The following CADPS2 variants were observed in gnomAD, a reference collection of about 807,000 sequenced individuals.
CADPS2 encodes calcium dependent secretion activator 2.
A neutral mutation model predicts 172.5 loss-of-function variants in CADPS2; 93 were observed. That is an observed-to-expected ratio of 0.54 (90% CI 0.46 to 0.64). The LOEUF (loss-of-function observed/expected upper bound fraction) is 0.64. CADPS2 is among the 30% of genes least tolerant of loss of function. The pLI is 0.00. For missense variants in CADPS2, 1,420 were observed against 1,565.9 expected (o/e 0.91, Z 1.57); for synonymous variants, 546 against 555.2 (o/e 0.98, Z 0.23).
intron 1 of CADPS2, among the ~76,000 whole-genome samples, chr7:122,847,342 C>T (rs1443154377): frequency 1.3e-5 from 2 of 152,192 alleles, no homozygotes; most frequent in Non-Finnish European, 2.9e-5. Flanking sequence ...CCTCCTCCGC[C>T]TCCCAGAGTG....
At chr7:122,772,931 G>A (rs1379895765) in intron 1 of CADPS2, among the ~76,000 whole-genome samples, 1 of 152,034 alleles carries the variant, frequency 6.6e-6, no homozygotes, top group Admixed American at 6.6e-5. Flanking sequence ...ATTTTAAATA[G>A]ACAAAATTTC....
chr7:122,443,261 C>A (rs1413330920), intron 15 of CADPS2, among the ~76,000 whole-genome samples: 1 of 152,160 alleles, frequency 6.6e-6, no homozygotes, highest in Non-Finnish European at 1.5e-5. Context: ...TTACGGAGTA[C>A]AAGTAATCCT....
At chr7:122,833,861 G>T (rs1332013302) in intron 1 of CADPS2, among the ~76,000 whole-genome samples, 1 of 152,140 alleles carries the variant, frequency 6.6e-6, no homozygotes, top group African/African-American at 2.4e-5. Context: ...GTTTTTTAAA[G>T]CACAGTTTAA....
chr7:122,527,789 T>G (rs545594622), intron 8 of CADPS2, among the ~76,000 whole-genome samples: 1 of 152,004 alleles, frequency 6.6e-6, no homozygotes, highest in East Asian at 1.9e-4. Flanking sequence ...TTGTGCAGAA[T>G]GAACAGAGAA....
At chr7:122,722,902 C>G (rs1236229699) in intron 2 of CADPS2, among the ~76,000 whole-genome samples, 1 of 151,866 alleles carries the variant, frequency 6.6e-6, no homozygotes, top group Non-Finnish European at 1.5e-5. Context: ...TGATCTTTGA[C>G]AAACCTGACA....
intron 28 of CADPS2, chr7:122,331,788 T>C (rs138609116): frequency 2.0e-5 from 3 of 152,376 alleles, no homozygotes; most frequent in East Asian, 3.8e-4. Flanking sequence ...GCAATTTACT[T>C]ATTCAAGTTT....
At chr7:122,815,353 A>G (rs1801053800) in intron 1 of CADPS2, among the ~76,000 whole-genome samples, 1 of 152,204 alleles carries the variant, frequency 6.6e-6, no homozygotes, top group Admixed American at 6.5e-5. Context: ...CTCAAGAGCT[A>G]TAAAGTTATT....
intron 7 of CADPS2, among the ~76,000 whole-genome samples, chr7:122,557,513 T>C (rs548700334): frequency 6.6e-6 from 1 of 152,240 alleles, no homozygotes; most frequent in South Asian, 2.1e-4. Context: ...CGTTACTGTA[T>C]ATTGGATTTA....
At chr7:122,799,314 G>T (rs187536267) in intron 1 of CADPS2, among the ~76,000 whole-genome samples, 175 of 152,266 alleles carry the variant, frequency 1.1e-3, no homozygotes, top group Non-Finnish European at 1.9e-3. Flanking sequence ...GTATAGCTAT[G>T]TAGGGCTGGG....
Position 122,345,918 on chromosome 7 carries a change from C to CTTTTTTTTT in CADPS2, c.3505-246_3505-238dup, listed in dbSNP as rs71159791. Among the ~76,000 whole-genome samples the CTTTTTTTTT allele has an allele frequency of 3.6e-5, 5 of 138,744 alleles. No individual in the cohort carries two copies. The East Asian group carries it at 6.6e-4, about 18-fold the overall frequency. The allele number at this position is 138,744 out of a possible 152,430, so 91.0% of individuals were successfully genotyped here. A position where few individuals can be genotyped will look rare whatever the true frequency, so the allele number is the denominator to read the frequency against. On this transcript the variant is annotated intron_variant, in intron 27 of 29. Transcript: ENST00000449022. Reference sequence around the variant, plus strand: ...TACAGAGTTGTAGATCCGTAGATATCTTTTTTTTTTTTTTGTTAAATGGCT... The same window carrying CTTTTTTTTT: ...TACAGAGTTGTAGATCCGTAGATATCTTTTTTTTTTTTTTTTTTTTTTTGTTAAATGGCT...
intron 25 of CADPS2, among the ~76,000 whole-genome samples, chr7:122,370,469 C>T (rs946178673): frequency 6.6e-5 from 10 of 152,140 alleles, no homozygotes; most frequent in Admixed American, 1.3e-4. Flanking sequence ...AGGTTAGAGA[C>T]AAGAACTGGA....
intron 6 of CADPS2, among the ~76,000 whole-genome samples, chr7:122,611,404 AC>A (rs1214888467): frequency 2.0e-5 from 3 of 152,094 alleles, no homozygotes; most frequent in African/African-American, 7.2e-5. Context: ...AAAAATAATT[AC>A]AAAAACTATG....
At chr7:122,626,901 C>G (rs2076141727) in intron 4 of CADPS2, among the ~76,000 whole-genome samples, 1 of 152,210 alleles carries the variant, frequency 6.6e-6, no homozygotes, top group African/African-American at 2.4e-5. Context: ...TTGTTCACTA[C>G]TTCCTAATTA....
At position 122,705,262 on chromosome 7, in the gene CADPS2, C is replaced by G. The variant is rs76707642; in HGVS notation, c.453+31693G>C. On this transcript the variant is annotated intron_variant, in intron 2 of 29. Transcript: ENST00000449022. ...CCTGGAACCGCATGTGACTGGGAGA[C>G]AGAGAGAGAGACTGGATGATTGAGG... is the stretch of plus-strand genomic sequence containing the variant. Among the ~76,000 whole-genome samples, 1,458 of 150,988 alleles carry G rather than the reference C, an allele frequency of 9.7e-3. 24 individuals are homozygous for G. The highest frequency in any genetic ancestry group is 0.034 in the African/African-American group (1,400 of 41,218).
intron 1 of CADPS2, among the ~76,000 whole-genome samples, chr7:122,745,389 A>G (rs897543220): frequency 6.6e-6 from 1 of 151,966 alleles, no homozygotes; most frequent in South Asian, 2.1e-4. Flanking sequence ...AGTAAGAGAC[A>G]GGGATAGAAT....
chr7:122,338,890 A>G (rs1436859298), intron 28 of CADPS2: 1 of 151,738 alleles, frequency 6.6e-6, no homozygotes, highest in East Asian at 1.9e-4. Flanking sequence ...CCTCCGAAGT[A>G]GCTAGGACTA....
chr7:122,393,649 C>A, intron 20 of CADPS2, 67 bp from the exon 21 acceptor site: 2 of 1,542,132 alleles, frequency 1.3e-6, no homozygotes, highest in Non-Finnish European at 1.8e-6. Context: ...AAATATGGGC[C>A]AAAAAAACAC....
At chr7:122,349,852 T>G (rs1342504674) in intron 27 of CADPS2, among the ~76,000 whole-genome samples, 1 of 152,192 alleles carries the variant, frequency 6.6e-6, no homozygotes, top group Non-Finnish European at 1.5e-5. Flanking sequence ...TCCCTATTCA[T>G]GGGTAGATGG....
intron 27 of CADPS2, among the ~76,000 whole-genome samples, chr7:122,351,512 C>A (rs937183720): frequency 6.6e-6 from 1 of 150,446 alleles, no homozygotes; most frequent in African/African-American, 2.4e-5. Context: ...AGTTTTGACT[C>A]CAAACTGGGA....
Sources: allele counts gnomAD v4.1 joint callset (sites outside exome capture counted in the v4.1 genomes callset), GRCh38; gene constraint gnomAD v4.1.1; transcripts MANE v1.5; gene names NCBI Gene and HGNC (gene_info 2026-07-23, HGNC 2026-07-21).